The following EFEMP1 variants were observed in gnomAD, a reference collection of about 807,000 sequenced individuals.
EFEMP1 encodes EGF-containing fibulin-like extracellular matrix protein 1.
EFEMP1 carries 18 observed loss-of-function variants against 65.7 expected under a neutral mutation model. The observed-to-expected ratio is 0.27, with a 90% CI of 0.19 to 0.41. The LOEUF is 0.41. Ranked by LOEUF, EFEMP1 falls within the 10% of genes least tolerant of loss-of-function variation. The probability of loss-of-function intolerance (pLI) is 1.00; values close to 1 mark genes in which losing one functional copy is unlikely to be tolerated. For missense variants in EFEMP1, 469 were observed against 624.8 expected, an observed-to-expected ratio of 0.75 and a Z score of 2.66; for synonymous variants, 237 against 219.7, an observed-to-expected ratio of 1.08 and a Z score of -0.70.
At chr2:55,901,987 C>G (rs1250233458) in intron 5 of EFEMP1, among the ~76,000 whole-genome samples, 1 of 152,158 alleles carries the variant, frequency 6.6e-6, no homozygotes, top group Non-Finnish European at 1.5e-5. Flanking sequence ...GGAAGTCAAT[C>G]CTGCCAGCAA....
chr2:55,896,867 CTT>C (rs1335328313), intron 5 of EFEMP1, among the ~76,000 whole-genome samples: 1 of 152,210 alleles, frequency 6.6e-6, no homozygotes, highest in Non-Finnish European at 1.5e-5. Flanking sequence ...GAAACCCAAA[CTT>C]TAAAACATGA....
chr2:55,913,952 G>A (rs752406913), intron 5 of EFEMP1, among the ~76,000 whole-genome samples: 1 of 152,148 alleles, frequency 6.6e-6, no homozygotes, highest in Non-Finnish European at 1.5e-5. Context: ...GGAAGTTGCA[G>A]TGAGCCAAGA....
chr2:55,876,783 T>C, intron 7 of EFEMP1, 41 bp from the exon 8 acceptor site: 1 of 1,211,766 alleles, frequency 8.3e-7, no homozygotes, highest in Non-Finnish European at 1.1e-6. Context: ...TATATGTATA[T>C]ATATACACAC....
chr2:55,877,171 T>A lies in EFEMP1; in HGVS notation c.761-429A>T, dbSNP rs1459066385. On this transcript the variant is annotated intron_variant, in intron 7 of 11. Coordinates refer to ENST00000355426, the MANE Select transcript of EFEMP1 (RefSeq NM_001039348.3). This position sits in a 1 kb window ranked among gnomAD's most constrained non-coding sequence, Gnocchi z 4.5. ...CTCAGCATGCTGTACTGAAGATTTA[T>A]CTGTGCTATTTATTACTTTTTAAAT... Among the ~76,000 whole-genome samples the A allele has an allele frequency of 6.6e-6, 1 of 152,326 alleles. No homozygotes were observed. The highest frequency in any genetic ancestry group is 2.1e-4 in the South Asian group (1 of 4,830).
chr2:55,901,865 C>A (rs568556291), intron 5 of EFEMP1, among the ~76,000 whole-genome samples: 4 of 152,188 alleles, frequency 2.6e-5, no homozygotes, highest in Admixed American at 2.6e-4. Flanking sequence ...CTTGCTGGAA[C>A]CTTCTCTTGC....
In EFEMP1 at chr2:55,923,009, C is replaced by G. The variant is rs1161390148; in HGVS notation, c.-48-70G>C. On this transcript the variant is annotated intron_variant, in intron 1 of 11. Transcript: ENST00000355426. This position sits in a 1 kb window ranked among gnomAD's most constrained non-coding sequence, Gnocchi z 5.3. ...TTAAACAAAATAACAAAACAAAACT[C>G]GGAGAGCAATCTTCCAGTTCTAGTA... is the stretch of plus-strand genomic sequence containing the variant. 1 of 982,188 alleles carries G rather than the reference C, an allele frequency of 1.0e-6. No homozygotes were observed. The highest frequency in any genetic ancestry group is 1.2e-6 in the Non-Finnish European group (1 of 819,722). The allele number at this position is 982,188 out of a possible 1,614,324, so 60.8% of individuals were successfully genotyped here. A position where few individuals can be genotyped will look rare whatever the true frequency, so the allele number is the denominator to read the frequency against.
intron 8 of EFEMP1, among the ~76,000 whole-genome samples, 196 bp from the exon 9 acceptor site, chr2:55,875,261 A>G (rs1421149578): frequency 6.7e-6 from 1 of 149,378 alleles, no homozygotes; most frequent in African/African-American, 2.5e-5. Flanking sequence ...ATATATAAAG[A>G]GATCTGGCTT....
At chr2:55,918,143 G>C (rs1222816631) in intron 4 of EFEMP1, 76 bp downstream of exon 4, 1 of 1,611,718 alleles carries the variant, frequency 6.2e-7, no homozygotes, top group East Asian at 2.2e-5. Flanking sequence ...GTATAACACA[G>C]ACAGGACAGG....
intron 5 of EFEMP1, among the ~76,000 whole-genome samples, chr2:55,894,815 G>T (rs1393728228): frequency 6.6e-6 from 1 of 152,168 alleles, no homozygotes; most frequent in African/African-American, 2.4e-5. Flanking sequence ...TAGGAAAAAT[G>T]AAAGAACTTA....
In EFEMP1 at chr2:55,882,243, C is replaced by T. The variant is rs534083751; in HGVS notation, c.518-509G>A. ...AAATTTCTAAAAATCTAACCAATAA[C>T]TGGGTGTAATCAACCTTTAATATTA... On this transcript the variant is annotated intron_variant, in intron 5 of 11. Transcript: ENST00000355426. 2.0e-5 allele frequency among the ~76,000 whole-genome samples: 3 copies of T among 152,258 alleles called. No homozygotes were observed. In the East Asian group the frequency reaches 5.8e-4, roughly 29 times the overall value.
intron 5 of EFEMP1, among the ~76,000 whole-genome samples, chr2:55,895,799 C>T (rs1669809605): frequency 6.6e-6 from 1 of 151,908 alleles, no homozygotes; most frequent in Admixed American, 6.6e-5. Context: ...CCTTGGCCTC[C>T]CAAAGTGCCG....
chr2:55,877,429 G>A lies in EFEMP1; in HGVS notation c.760+317C>T, dbSNP rs903483513. Reference sequence around the variant, plus strand: ...GTGGAAAGTTTATATACTTGAACTTGTAGTAACCCCTTTGGCACTTTCAGC... The same window carrying A: ...GTGGAAAGTTTATATACTTGAACTTATAGTAACCCCTTTGGCACTTTCAGC... On this transcript the variant is annotated intron_variant, in intron 7 of 11. Transcript: ENST00000355426. This position sits in a 1 kb window ranked among gnomAD's most constrained non-coding sequence, Gnocchi z 4.5. Among the ~76,000 whole-genome samples, 6 of 152,162 alleles carry A rather than the reference G, an allele frequency of 3.9e-5. No homozygotes were observed. Among genetic ancestry groups the A allele is most frequent in the Admixed American group, 6.6e-5 (1 of 15,266 alleles).
In EFEMP1 at chr2:55,877,614, A is replaced by G. The variant is rs1159328464; in HGVS notation, c.760+132T>C. ...AGACACAGATTGGTTATTATCTTTT[A>G]AGCTTTATGATTGCTGAAGGGAAGT... On this transcript the variant is annotated intron_variant, in intron 7 of 11. Coordinates refer to ENST00000355426, the MANE Select transcript of EFEMP1 (RefSeq NM_001039348.3). This position sits in a 1 kb window ranked among gnomAD's most constrained non-coding sequence, Gnocchi z 4.5. 2.1e-6 allele frequency: 3 copies of G among 1,397,158 alleles called. No homozygotes were observed. Among genetic ancestry groups the G allele is most frequent in the Non-Finnish European group, 3.0e-6 (3 of 1,005,438 alleles). 86.5% of individuals were successfully genotyped at this position (1,397,158 alleles called of 1,614,324 possible). A position where few individuals can be genotyped will look rare whatever the true frequency, so the allele number is the denominator to read the frequency against.
At chr2:55,907,169 A>G (rs1670313643) in intron 5 of EFEMP1, among the ~76,000 whole-genome samples, 2 of 152,248 alleles carry the variant, frequency 1.3e-5, no homozygotes, top group South Asian at 4.1e-4. Flanking sequence ...GCATTCAGTC[A>G]TTTCAGAAGC....
chr2:55,866,825 T>G lies in EFEMP1; in HGVS notation c.*248A>C, dbSNP rs117386259. The G allele has an allele frequency of 3.2e-3, 1,479 of 462,944 alleles. 46 individuals carry two copies. In the East Asian group the frequency reaches 0.05, roughly 16 times the overall value. The allele number at this position is 462,944 out of a possible 1,614,324, so 28.7% of individuals were successfully genotyped here. A position where few individuals can be genotyped will look rare whatever the true frequency, so the allele number is the denominator to read the frequency against. On this transcript the variant is annotated 3_prime_UTR_variant, in exon 12 of 12. Coordinates refer to ENST00000355426, the MANE Select transcript of EFEMP1 (RefSeq NM_001039348.3). The stretch of plus-strand genomic sequence containing the variant: ...AATCCAAGTTTCACCAGATAGTGTA[T>G]ACTTAGCTCTCTTGAAGAAGACCAG...
At chr2:55,892,168 A>T (rs1669649395) in intron 5 of EFEMP1, among the ~76,000 whole-genome samples, 1 of 152,138 alleles carries the variant, frequency 6.6e-6, no homozygotes, top group African/African-American at 2.4e-5. Flanking sequence ...AGCATATAAA[A>T]TAGTCTTTGG....
At chr2:55,898,907 T>C (rs1056639536) in intron 5 of EFEMP1, among the ~76,000 whole-genome samples, 3 of 151,760 alleles carry the variant, frequency 2.0e-5, no homozygotes, top group Non-Finnish European at 4.4e-5. Flanking sequence ...AGGGAGTGAG[T>C]TTCTCAAAAA....
At chr2:55,891,576 G>A (rs1367287827) in intron 5 of EFEMP1, among the ~76,000 whole-genome samples, 2 of 152,076 alleles carry the variant, frequency 1.3e-5, no homozygotes, top group Non-Finnish European at 2.9e-5. Flanking sequence ...TTGTATAGCT[G>A]TGAAGTTAAC....
chr2:55,918,958 C>T (rs1670812177), intron 3 of EFEMP1, among the ~76,000 whole-genome samples: 1 of 152,156 alleles, frequency 6.6e-6, no homozygotes, highest in African/African-American at 2.4e-5. Flanking sequence ...GATAGGTAGA[C>T]AAGTTGCAGC....
Sources: gnomAD v4.1 joint callset for allele counts (sites outside exome capture counted in the v4.1 genomes callset) on GRCh38, gnomAD v4.1.1 for gene constraint, Gnocchi (gnomAD v3.1) non-coding constraint, MANE v1.5 for transcripts, NCBI Gene and HGNC (gene_info 2026-07-23, HGNC 2026-07-21) for gene names.